The following TRPM3 variants were observed in gnomAD, a reference collection of about 807,000 sequenced individuals.
TRPM3 encodes the protein long transient receptor potential channel 3.
Under a neutral mutation model 181.2 loss-of-function variants are expected in TRPM3, and 77 were observed. That is an observed-to-expected ratio of 0.42 (90% CI 0.35 to 0.51). The LOEUF is 0.51. Ranked by LOEUF, TRPM3 falls within the 20% of genes least tolerant of loss-of-function variation. The pLI, the probability that TRPM3 is intolerant of heterozygous loss-of-function variation, is 0.01. For synonymous variants in TRPM3, 745 were observed against 796.4 expected (o/e 0.94, Z 1.09); for missense variants, 1,759 against 2,196.7 (o/e 0.80, Z 3.98).
chr9:70,923,784 AAC>A (rs34727893), intron 1 of TRPM3, among the ~76,000 whole-genome samples: 17 of 133,760 alleles, frequency 1.3e-4, no homozygotes, highest in Admixed American at 3.2e-4. Context: ...CAACACAAAT[AAC>A]ACACACACAC....
intron 1 of TRPM3, among the ~76,000 whole-genome samples, chr9:71,030,318 A>C (rs1233386612): frequency 6.6e-6 from 1 of 152,204 alleles, no homozygotes; most frequent in African/African-American, 2.4e-5. Flanking sequence ...AAATCCCAGC[A>C]CTTTCGTAGG....
At chr9:71,107,099 A>G (rs2069792930) in intron 1 of TRPM3, among the ~76,000 whole-genome samples, 1 of 152,170 alleles carries the variant, frequency 6.6e-6, no homozygotes, top group African/African-American at 2.4e-5. Context: ...GCAGACTGTT[A>G]AACAAGAATG....
intron 1 of TRPM3, among the ~76,000 whole-genome samples, chr9:70,990,519 T>C (rs1310699806): frequency 6.6e-6 from 1 of 152,212 alleles, no homozygotes; most frequent in Admixed American, 6.5e-5. Flanking sequence ...CCTAGATCCC[T>C]GTTCCTTTAT....
At chr9:70,935,318 C>A (rs1046105859) in intron 1 of TRPM3, among the ~76,000 whole-genome samples, 1 of 152,158 alleles carries the variant, frequency 6.6e-6, no homozygotes, top group Admixed American at 6.6e-5. Flanking sequence ...AACTCAGGGG[C>A]AAGGGACCCA....
chr9:70,646,402 A>T (rs567638896), intron 9 of TRPM3, among the ~76,000 whole-genome samples: 2 of 152,348 alleles, frequency 1.3e-5, no homozygotes, highest in East Asian at 3.9e-4. Context: ...GAAAAGGATG[A>T]GTTCATGACC....
At chr9:71,132,659 T>C (rs1401059060) in intron 1 of TRPM3, among the ~76,000 whole-genome samples, 1 of 152,132 alleles carries the variant, frequency 6.6e-6, no homozygotes, top group Admixed American at 6.6e-5. Context: ...AAGAATTATG[T>C]CAAAAAATTT....
upstream of TRPM3, among the ~76,000 whole-genome samples, chr9:71,122,480 C>T (rs2073754570): frequency 6.6e-6 from 1 of 152,200 alleles, no homozygotes; most frequent in East Asian, 1.9e-4. Flanking sequence ...CCTGACAACT[C>T]CTATGGGGAG....
At chr9:71,187,513 T>C (rs1587846268) in intron 1 of TRPM3, among the ~76,000 whole-genome samples, 1 of 151,878 alleles carries the variant, frequency 6.6e-6, no homozygotes, top group East Asian at 1.9e-4. Context: ...TCCCACTGAC[T>C]CCATCAAGAA....
At chr9:71,379,007 A>T (rs1270264998) in intron 1 of TRPM3, among the ~76,000 whole-genome samples, 3 of 152,062 alleles carry the variant, frequency 2.0e-5, no homozygotes, top group African/African-American at 4.8e-5. Context: ...AACAGTACAC[A>T]TTTTTAAGTA....
chr9:71,184,123 C>T (rs2077548336), intron 1 of TRPM3, among the ~76,000 whole-genome samples: 1 of 152,082 alleles, frequency 6.6e-6, no homozygotes, highest in South Asian at 2.1e-4. Context: ...ATTAGGGGTG[C>T]TCTTCGAGAT....
chr9:70,536,002 C>T lies in TRPM3; in HGVS notation c.5111G>A (p.Arg1704Lys), dbSNP rs41287373. The change falls in exon 26 of 26, where the codon AGA (arginine) becomes AAA (lysine). Residue 1704 changes from arginine (R) to lysine (K), a missense_variant. Physicochemically the swap from Arg to Lys is conservative, Grantham distance 26 (BLOSUM62 2). Transcript: ENST00000677713. The part of the protein sequence containing the change: ...EGRGDSLSMR[R>K]LSRTSAFQSF... The stretch of plus-strand genomic sequence containing the variant: ...TTGGAAAGCCGATGTTCTGGACAGT[C>T]TCCTCATGGACAGGCTGTCCCCTCG... The T allele has an allele frequency of 0.28, 452,243 of 1,613,144 alleles. 65,672 individuals carry two copies. The highest frequency in any genetic ancestry group is 0.33 in the Admixed American group (19,569 of 59,906).
chr9:70,616,638 T>C (rs1021779395), intron 17 of TRPM3, among the ~76,000 whole-genome samples: 1 of 150,944 alleles, frequency 6.6e-6, no homozygotes, highest in Admixed American at 6.6e-5. Context: ...AGCATTTAAT[T>C]CATTTTAGGG....
chr9:70,952,342 T>C (rs1391899200), intron 1 of TRPM3, among the ~76,000 whole-genome samples: 1 of 152,194 alleles, frequency 6.6e-6, no homozygotes, highest in African/African-American at 2.4e-5. Flanking sequence ...AATAGGGACT[T>C]TGGTAATGAC....
intron 22 of TRPM3, among the ~76,000 whole-genome samples, chr9:70,567,961 T>C (rs2051089401): frequency 6.6e-6 from 1 of 151,482 alleles, no homozygotes; most frequent in African/African-American, 2.4e-5. Context: ...AAGAGAGAGA[T>C]GAGAGAGAAA....
chr9:70,895,095 AAAATGCAAAGTGCTACAT>A (rs371450606), intron 1 of TRPM3, among the ~76,000 whole-genome samples: 1 of 152,334 alleles, frequency 6.6e-6, no homozygotes, highest in African/African-American at 2.4e-5. Flanking sequence ...GGCACTTTGC[AAAATGCAAAGTGCTACAT>A]AAATGTTAGT....
chr9:70,882,530 G>C (rs2096011986), intron 1 of TRPM3, among the ~76,000 whole-genome samples: 4 of 151,982 alleles, frequency 2.6e-5, no homozygotes, highest in Admixed American at 2.6e-4. Flanking sequence ...TTTTCAAGTG[G>C]CTATTCAGGT....
At chr9:71,270,639 C>T (rs2083718727) in intron 1 of TRPM3, among the ~76,000 whole-genome samples, 2 of 152,116 alleles carry the variant, frequency 1.3e-5, no homozygotes, top group African/African-American at 4.8e-5. Flanking sequence ...CTGTCCCTTC[C>T]TGTGGTAGGA....
chr9:71,369,865 G>T (rs764080015), intron 1 of TRPM3, among the ~76,000 whole-genome samples: 1 of 152,156 alleles, frequency 6.6e-6, no homozygotes, highest in African/African-American at 2.4e-5. Flanking sequence ...GCAAACCTGC[G>T]TCAAAGTCCA....
chr9:71,248,346 A>G (rs1461135175), intron 1 of TRPM3, among the ~76,000 whole-genome samples: 1 of 152,164 alleles, frequency 6.6e-6, no homozygotes, highest in Non-Finnish European at 1.5e-5. Flanking sequence ...GGGTATGGTA[A>G]GGTGGTTTCT....
Sources: gnomAD v4.1 joint callset for allele counts (sites outside exome capture counted in the v4.1 genomes callset) on GRCh38, gnomAD v4.1.1 for gene constraint, MANE v1.5 for transcripts, NCBI Gene and HGNC (gene_info 2026-07-23, HGNC 2026-07-21) for gene names.